FOCAD: variants seen among roughly 807,000 people sequenced by gnomAD.
FOCAD encodes KIAA1797.
Under a neutral mutation model 225.6 loss-of-function variants are expected in FOCAD, and 198 were observed. The observed-to-expected ratio is 0.88, with a 90% CI of 0.78 to 0.99. The LOEUF (loss-of-function observed/expected upper bound fraction) is 0.99. Among genes scored for constraint, FOCAD ranks in the 50% least tolerant of loss-of-function variants. FOCAD has a pLI of 0.00. For missense variants in FOCAD, 2,713 were observed against 2,123.6 expected (o/e 1.28, Z -5.46); for synonymous variants, 897 against 755.0 (o/e 1.19, Z -3.08).
At chr9:20,663,018 T>C (rs1821780755) in intron 2 of FOCAD, among the ~76,000 whole-genome samples, 1 of 152,222 alleles carries the variant, frequency 6.6e-6, no homozygotes, top group Non-Finnish European at 1.5e-5. Flanking sequence ...TAATGTATCT[T>C]ATTCTCAGTA....
intron 21 of FOCAD, among the ~76,000 whole-genome samples, chr9:20,904,360 A>AT (rs1269711404): frequency 6.6e-6 from 1 of 151,872 alleles, no homozygotes; most frequent in Non-Finnish European, 1.5e-5. Context: ...CAGCTGAACC[A>AT]TTTTTTATTC....
At chr9:20,830,129 T>A (rs2131490002) in intron 15 of FOCAD, among the ~76,000 whole-genome samples, 1 of 152,202 alleles carries the variant, frequency 6.6e-6, no homozygotes, top group Non-Finnish European at 1.5e-5. Flanking sequence ...GTGTTTTTGG[T>A]GGTTGTGTTT....
intron 25 of FOCAD, among the ~76,000 whole-genome samples, chr9:20,925,415 A>T (rs1371957203): frequency 1.3e-5 from 2 of 151,984 alleles, no homozygotes; most frequent in Non-Finnish European, 2.9e-5. Context: ...ACCCCAACAC[A>T]CCCCAACACA....
chr9:20,749,553 C>A (rs2131727907), intron 5 of FOCAD, among the ~76,000 whole-genome samples: 1 of 151,986 alleles, frequency 6.6e-6, no homozygotes, highest in East Asian at 1.9e-4. Flanking sequence ...AGCTTCTAAC[C>A]AGCAGTTTCA....
At chr9:20,955,477 T>A (rs1838052278) in intron 35 of FOCAD, among the ~76,000 whole-genome samples, 1 of 151,866 alleles carries the variant, frequency 6.6e-6, no homozygotes, top group South Asian at 2.1e-4. Context: ...TGAGATTCCC[T>A]CAGTTTTTAA....
At chr9:20,746,470 A>G (rs1828046183) in intron 5 of FOCAD, among the ~76,000 whole-genome samples, 1 of 152,176 alleles carries the variant, frequency 6.6e-6, no homozygotes, top group Non-Finnish European at 1.5e-5. Context: ...TTTCTTTTTA[A>G]CTTACTGTAT....
intron 1 of FOCAD, among the ~76,000 whole-genome samples, chr9:20,712,598 G>T (rs917365859): frequency 6.6e-6 from 1 of 151,720 alleles, no homozygotes; most frequent in African/African-American, 2.4e-5. Context: ...GGAGGCGGAG[G>T]TTAGTGAGCT....
intron 35 of FOCAD, among the ~76,000 whole-genome samples, chr9:20,959,167 C>A: frequency 6.6e-6 from 1 of 152,066 alleles, no homozygotes; most frequent in South Asian, 2.1e-4. Flanking sequence ...TGAATGAATT[C>A]CCTTGTCTTC....
At position 20,868,673 on chromosome 9, in the gene FOCAD, A is replaced by G. The variant is rs140593287; in HGVS notation, c.2190+1661A>G. 2.3e-3 allele frequency among the ~76,000 whole-genome samples: 349 copies of G among 152,144 alleles called. 1 individual carries two copies. The highest frequency in any genetic ancestry group is 3.3e-3 in the Non-Finnish European group (221 of 67,966). On this transcript the variant is annotated intron_variant, in intron 18 of 43. Transcript: ENST00000338382. ...GTGGAAAGAGCTATAAAGGAAAGCTATAAGGCGTATCCTTTTGTAGCTATG... is the reference window on the plus strand; with the variant it reads ...GTGGAAAGAGCTATAAAGGAAAGCTGTAAGGCGTATCCTTTTGTAGCTATG...
chr9:20,747,131 C>T (rs751121537), intron 5 of FOCAD, among the ~76,000 whole-genome samples: 1 of 152,112 alleles, frequency 6.6e-6, no homozygotes, highest in Non-Finnish European at 1.5e-5. Context: ...AAGCTCAGCA[C>T]TCCCAACCAA....
At chr9:20,821,452 A>G (rs1043915296) in intron 14 of FOCAD, among the ~76,000 whole-genome samples, 7 of 152,090 alleles carry the variant, frequency 4.6e-5, no homozygotes, top group African/African-American at 1.7e-4. Flanking sequence ...GTAGGGAGAT[A>G]AGTAGTTTTA....
intron 16 of FOCAD, 46 bp downstream of exon 16, chr9:20,862,758 G>C: frequency 6.3e-7 from 1 of 1,579,720 alleles, no homozygotes; most frequent in South Asian, 1.2e-5. Context: ...TCATGGGAAA[G>C]ATGTGTGTTA....
intron 11 of FOCAD, among the ~76,000 whole-genome samples, chr9:20,793,939 A>G (rs1033072181): frequency 6.6e-5 from 10 of 152,174 alleles, no homozygotes; most frequent in African/African-American, 9.6e-5. Context: ...TCCTCTCCAT[A>G]CTTGTACCGT....
intron 25 of FOCAD, among the ~76,000 whole-genome samples, chr9:20,924,637 C>CT (rs751445474): frequency 1.4e-3 from 213 of 151,972 alleles, no homozygotes; most frequent in Non-Finnish European, 2.6e-3. Context: ...TATCTGTATT[C>CT]TTTTTTTGTT....
chr9:20,818,732 C>G (rs1376825555), intron 11 of FOCAD, among the ~76,000 whole-genome samples: 1 of 151,908 alleles, frequency 6.6e-6, no homozygotes, highest in Non-Finnish European at 1.5e-5. Context: ...ATTTGTCTTT[C>G]TAATCTTATG....
intron 11 of FOCAD, among the ~76,000 whole-genome samples, chr9:20,796,190 A>G (rs1168997322): frequency 6.6e-6 from 1 of 152,198 alleles, no homozygotes; most frequent in Non-Finnish European, 1.5e-5. Context: ...TATATGTGCC[A>G]CATTTTCTTA....
chr9:20,706,528 C>G (rs1027909256), intron 1 of FOCAD, among the ~76,000 whole-genome samples: 1 of 152,126 alleles, frequency 6.6e-6, no homozygotes, highest in African/African-American at 2.4e-5. Flanking sequence ...TGGAATTGTG[C>G]AGGTCATGCC....
At chr9:20,743,547 G>C (rs763322423) in intron 5 of FOCAD, among the ~76,000 whole-genome samples, 18 of 152,230 alleles carry the variant, frequency 1.2e-4, no homozygotes, top group Non-Finnish European at 2.2e-4. Flanking sequence ...GTTTCCCTTA[G>C]CCCCTCTGAA....
chr9:20,825,587 A>G (rs1018195640), intron 15 of FOCAD, among the ~76,000 whole-genome samples: 7 of 152,152 alleles, frequency 4.6e-5, no homozygotes, highest in African/African-American at 1.7e-4. Context: ...GAATAACTCT[A>G]TCTTTAAGAA....
Sources: gnomAD v4.1 joint callset for allele counts (sites outside exome capture counted in the v4.1 genomes callset) on GRCh38, gnomAD v4.1.1 for gene constraint, MANE v1.5 for transcripts, NCBI Gene and HGNC (gene_info 2026-07-23, HGNC 2026-07-21) for gene names.